Variants in PHF6 observed in about 807,000 individuals in gnomAD.
The protein encoded by PHF6 is PHD finger protein 6.
Under a neutral mutation model 34.0 loss-of-function variants are expected in PHF6, and 7 were observed. That is an observed-to-expected ratio of 0.21 (90% CI 0.12 to 0.39). The LOEUF (loss-of-function observed/expected upper bound fraction) is 0.39. Among genes scored for constraint, PHF6 ranks in the 10% least tolerant of loss-of-function variants. PHF6 has a pLI of 1.00. For missense variants in PHF6, 128 were observed against 262.8 expected (o/e 0.49, Z 3.55); for synonymous variants, 89 against 88.4 (o/e 1.01, Z -0.04).
intron 3 of PHF6, among the ~76,000 whole-genome samples, chrX:134,388,894 G>C (rs2077342177): frequency 9.0e-6 from 1 of 111,637 alleles, no homozygotes; most frequent in Non-Finnish European, 1.9e-5. Context: ...AGTTCCTTGT[G>C]TCTCCTCTCA....
chrX:134,380,524 A>G (rs1379831232), intron 3 of PHF6, among the ~76,000 whole-genome samples: 1 of 111,627 alleles, frequency 9.0e-6, no homozygotes, highest in Non-Finnish European at 1.9e-5. Context: ...GTGTAGGGAG[A>G]TAATTTTTTC....
intron 1 of PHF6, among the ~76,000 whole-genome samples, chrX:134,375,925 G>C (rs1350359704): frequency 9.0e-6 from 1 of 110,682 alleles, no homozygotes; most frequent in African/African-American, 3.3e-5. Flanking sequence ...TTTGCTGCCT[G>C]TTTTCAATCA....
At chrX:134,405,193 T>C (rs2077417909) in intron 5 of PHF6, among the ~76,000 whole-genome samples, 1 of 111,649 alleles carries the variant, frequency 9.0e-6, no homozygotes, top group African/African-American at 3.3e-5. Context: ...CTTCGCACCA[T>C]GTAAAACTGA....
At chrX:134,395,688 C>T (rs1022250460) in intron 5 of PHF6, among the ~76,000 whole-genome samples, 1 of 111,920 alleles carries the variant, frequency 8.9e-6, no homozygotes, top group East Asian at 2.8e-4. Context: ...TTGGTATTCG[C>T]ATGTTAAAAT....
At chrX:134,396,481 C>A (rs1294113485) in intron 5 of PHF6, among the ~76,000 whole-genome samples, 1 of 111,271 alleles carries the variant, frequency 9.0e-6, no homozygotes, top group East Asian at 2.8e-4. Context: ...GATCTAAATT[C>A]ATACTTTTCA....
rs1279853690 is a variant in PHF6 at position 134,403,344 on chromosome X, G to C, written c.418+9392G>C. On this transcript the variant is annotated intron_variant, in intron 5 of 10. Coordinates refer to ENST00000370803, the MANE Select transcript of PHF6 (RefSeq NM_001015877.2). ...GTAGTCTGGATAGAAGATCAAACCA[G>C]CCACAACATTCCCTTAAGCCAAAGC... Among the ~76,000 whole-genome samples, 4 of 112,052 alleles carry C rather than the reference G, an allele frequency of 3.6e-5. No homozygotes were observed. In the East Asian group the frequency reaches 1.1e-3, roughly 31 times the overall value.
chrX:134,419,919 G>A (rs753182727), intron 9 of PHF6: 4 of 112,131 alleles, frequency 3.6e-5, no homozygotes, highest in East Asian at 2.8e-4. Context: ...ATTGACTCAC[G>A]TCTATAATCC....
intron 5 of PHF6, among the ~76,000 whole-genome samples, chrX:134,407,079 A>C (rs2077428374): frequency 8.9e-6 from 1 of 111,914 alleles, no homozygotes; most frequent in African/African-American, 3.2e-5. Context: ...TGACATATAT[A>C]TTTGTCCCAG....
At chrX:134,383,740 A>T (rs1479205120) in intron 3 of PHF6, among the ~76,000 whole-genome samples, 2 of 111,810 alleles carry the variant, frequency 1.8e-5, no homozygotes, top group Non-Finnish European at 3.8e-5. Flanking sequence ...GAGTTAAGTA[A>T]CCTGACTGTA....
intron 1 of PHF6, among the ~76,000 whole-genome samples, chrX:134,377,347 T>A (rs768135924): frequency 3.8e-4 from 43 of 112,061 alleles, no homozygotes; most frequent in Non-Finnish European, 6.2e-4. Flanking sequence ...ACAAACAACT[T>A]ACATGAGTAT....
chrX:134,375,317 T>C lies in PHF6; in HGVS notation c.-47+1850T>C, dbSNP rs745386161. ...AAAAATACACTAGAATATTTTTTAATGCAAAATAAAGTGTACCTTTTTTCT... is the reference window on the plus strand; with the variant it reads ...AAAAATACACTAGAATATTTTTTAACGCAAAATAAAGTGTACCTTTTTTCT... On this transcript the variant is annotated intron_variant, in intron 1 of 10. Coordinates refer to ENST00000370803, the MANE Select transcript of PHF6 (RefSeq NM_001015877.2). Among the ~76,000 whole-genome samples the C allele has an allele frequency of 3.6e-5, 4 of 112,017 alleles. No homozygotes were observed. In the South Asian group the frequency reaches 1.5e-3, roughly 41 times the overall value.
At chrX:134,380,583 G>A (rs2077303069) in intron 3 of PHF6, among the ~76,000 whole-genome samples, 1 of 111,424 alleles carries the variant, frequency 9.0e-6, no homozygotes, top group Admixed American at 9.6e-5. Flanking sequence ...TTGATCTAGG[G>A]AATGGAACAA....
intron 5 of PHF6, among the ~76,000 whole-genome samples, chrX:134,395,487 C>T (rs1403951393): frequency 8.9e-6 from 1 of 112,036 alleles, no homozygotes; most frequent in Non-Finnish European, 1.9e-5. Flanking sequence ...CCTTTTCAAA[C>T]AGATGGTTTT....
chrX:134,373,946 G>T (rs2077268014), intron 1 of PHF6, among the ~76,000 whole-genome samples: 1 of 109,182 alleles, frequency 9.2e-6, no homozygotes, highest in African/African-American at 3.4e-5. Context: ...TAACTCTTGG[G>T]GGAGGGGGCA....
chrX:134,380,147 A>G (rs994958376), intron 3 of PHF6, among the ~76,000 whole-genome samples: 8 of 100,772 alleles, frequency 7.9e-5, no homozygotes, highest in Non-Finnish European at 1.4e-4. Flanking sequence ...ATTTATTTGG[A>G]CCTTTTTTTT....
intron 5 of PHF6, among the ~76,000 whole-genome samples, chrX:134,403,159 C>T (rs760494860): frequency 3.6e-5 from 4 of 112,251 alleles, no homozygotes; most frequent in Admixed American, 1.9e-4. Context: ...GAAGGCATGT[C>T]GAAAGCTGAG....
At chrX:134,384,721 G>A (rs1184694529) in intron 3 of PHF6, among the ~76,000 whole-genome samples, 2 of 108,124 alleles carry the variant, frequency 1.8e-5, no homozygotes, top group Non-Finnish European at 3.8e-5. Flanking sequence ...GCACGATCTC[G>A]GCTCACTTCA....
At chrX:134,421,813 TAA>T (rs199852581) in intron 9 of PHF6, among the ~76,000 whole-genome samples, 4 of 99,373 alleles carry the variant, frequency 4.0e-5, no homozygotes, top group Non-Finnish European at 4.1e-5. Context: ...TTGCTTTCTT[TAA>T]AAAAAAAAAA....
chrX:134,384,398 A>G (rs2077321006), intron 3 of PHF6, among the ~76,000 whole-genome samples: 1 of 111,245 alleles, frequency 9.0e-6, no homozygotes, highest in Non-Finnish European at 1.9e-5. Flanking sequence ...GAGACAGGTG[A>G]TATACAATAG....
Sources: allele counts gnomAD v4.1 joint callset (sites outside exome capture counted in the v4.1 genomes callset), GRCh38; gene constraint gnomAD v4.1.1; transcripts MANE v1.5; gene names NCBI Gene and HGNC (gene_info 2026-07-23, HGNC 2026-07-21).